Variants in TK1 observed in about 807,000 individuals in gnomAD.
TK1 encodes thymidine kinase 1.
In TK1, 13 loss-of-function variants were observed where a neutral mutation model predicts 22.4. That is an observed-to-expected ratio of 0.58 (90% CI 0.38 to 0.92). The LOEUF (loss-of-function observed/expected upper bound fraction) is 0.92, where lower values mean the gene tolerates loss of function less well. Among genes scored for constraint, TK1 ranks in the 40% least tolerant of loss-of-function variants. TK1 has a pLI of 0.00. For synonymous variants in TK1, 134 were observed against 125.4 expected (o/e 1.07, Z -0.46); for missense variants, 251 against 315.7 (o/e 0.80, Z 1.55).
chr17:78,177,775 C>T lies in TK1; in HGVS notation c.304-2157G>A, dbSNP rs568478755. 5.9e-5 allele frequency among the ~76,000 whole-genome samples: 9 copies of T among 151,910 alleles called. No homozygotes were observed. In the South Asian group the frequency reaches 1.2e-3, roughly 21 times the overall value. Reference sequence around the variant, plus strand: ...ATTTTCAGTAGAGACGGGGTTTCACCGTGTTAGCCAGGATGGTCTCGATCT... The same window carrying T: ...ATTTTCAGTAGAGACGGGGTTTCACTGTGTTAGCCAGGATGGTCTCGATCT... On this transcript the variant is annotated intron_variant, in intron 4 of 6. Transcript: ENST00000301634.
rs555455483 is a variant in TK1 at position 78,179,842 on chromosome 17, G to A, written c.303+2747C>T. 4.0e-6 allele frequency: 3 copies of A among 750,236 alleles called. No homozygotes were observed. The East Asian group carries it at 3.9e-4, about 98-fold the overall frequency. The allele number at this position is 750,236 out of a possible 1,614,324, so 46.5% of individuals were successfully genotyped here. ...CCCAGCACTTTGGGAGGCTGAGGCA[G>A]GCAGATCACCTGAGGTTAGGAGTTC... On this transcript the variant is annotated intron_variant, in intron 4 of 6. Coordinates refer to ENST00000301634, the MANE Select transcript of TK1 (RefSeq NM_003258.5).
rs550341229 is a variant in TK1, at chr17:78,175,235, C to T, written c.394-66G>A. On this transcript the variant is annotated intron_variant, in intron 5 of 6. Transcript: ENST00000301634. ...ACCAGGTGGGTTTTTCTTTTAAACCCTCTGATTCACAAGCACTGAAGCCAG... is the reference window on the plus strand; with the variant it reads ...ACCAGGTGGGTTTTTCTTTTAAACCTTCTGATTCACAAGCACTGAAGCCAG... 165 of 1,442,918 alleles carry T rather than the reference C, an allele frequency of 1.1e-4. 9 individuals carry two copies. The highest frequency in any genetic ancestry group is 7.6e-4 in the Admixed American group (26 of 34,370). The allele number at this position is 1,442,918 out of a possible 1,614,324, so 89.4% of individuals were successfully genotyped here. A position where few individuals can be genotyped will look rare whatever the true frequency, so the allele number is the denominator to read the frequency against.
chr17:78,174,667 C>A lies in TK1; in HGVS notation c.*92G>T. On this transcript the variant is annotated 3_prime_UTR_variant, in exon 7 of 7. Coordinates refer to ENST00000301634, the MANE Select transcript of TK1 (RefSeq NM_003258.5). ...AAGGTGTGGTCACCCTCCACGCCTC[C>A]CGACTTCCTCCTGGAGTGGCTGGGC... The A allele has an allele frequency of 7.0e-7, 1 of 1,427,778 alleles. No homozygotes were observed. Among genetic ancestry groups the A allele is most frequent in the Non-Finnish European group, 9.3e-7 (1 of 1,075,510 alleles). 88.4% of individuals were successfully genotyped at this position (1,427,778 alleles called of 1,614,324 possible).
rs2075741781 is a variant in TK1, at chr17:78,182,073, AT to A, written c.303+515del. Among the ~76,000 whole-genome samples, 4 of 151,980 alleles carry A rather than the reference AT, an allele frequency of 2.6e-5. No homozygotes were observed. In the South Asian group the frequency reaches 8.3e-4, roughly 32 times the overall value. On this transcript the variant is annotated intron_variant, in intron 4 of 6. Coordinates refer to ENST00000301634, the MANE Select transcript of TK1 (RefSeq NM_003258.5). ...ATCTTGCCAGTAAATAGATATATGT[AT>A]TTTTAAAAAGGTACAATGGCCAGGT...
At position 78,175,161 on chromosome 17, in the gene TK1, C is replaced by T. The variant is rs2075689213; in HGVS notation, c.402G>A (p.Gly134=). ...CCAGCGGCACCAGGTTCAGGATGGC[C>T]CCAAATGGCTGCGCTCCCATGGAAA... ...LDGTFQRKPF[G]AILNLVPLAE... is the part of the protein sequence containing the mutation. The change falls in exon 6 of 7, where the codon GGG becomes GGA. Residue 134 remains glycine, a synonymous_variant. Coordinates refer to ENST00000301634, the MANE Select transcript of TK1 (RefSeq NM_003258.5). 1 of 1,605,874 alleles carries T rather than the reference C, an allele frequency of 6.2e-7. No homozygotes were observed. Among genetic ancestry groups the T allele is most frequent in the Non-Finnish European group, 8.5e-7 (1 of 1,179,104 alleles).
chr17:78,181,903 C>T (rs117676900), intron 4 of TK1, among the ~76,000 whole-genome samples: 9,966 of 151,090 alleles, frequency 0.066, 450 homozygotes, highest in Non-Finnish European at 0.1. Context: ...CACAGGTGTG[C>T]GCTGCTATGA....
At chr17:78,180,982 G>A (rs1448142922) in intron 4 of TK1, among the ~76,000 whole-genome samples, 2 of 152,202 alleles carry the variant, frequency 1.3e-5, no homozygotes, top group Non-Finnish European at 2.9e-5. Context: ...AGGCGTGGTG[G>A]CTCACGCCTG....
intron 2 of TK1, 127 bp from the exon 3 acceptor site, chr17:78,185,292 A>C: frequency 1.5e-6 from 1 of 682,702 alleles, no homozygotes; most frequent in East Asian, 2.7e-5. Context: ...ACAGCCAGAA[A>C]AGAGCAGGGC....
intron 4 of TK1, among the ~76,000 whole-genome samples, chr17:78,181,666 A>G (rs1018019936): frequency 2.0e-5 from 3 of 152,174 alleles, no homozygotes; most frequent in Non-Finnish European, 4.4e-5. Context: ...CCTGGCTGCA[A>G]AAACTACTAA....
At chr17:78,181,065 T>C (rs2075734251) in intron 4 of TK1, among the ~76,000 whole-genome samples, 1 of 151,432 alleles carries the variant, frequency 6.6e-6, no homozygotes, top group African/African-American at 2.4e-5. Context: ...CTGGCCAACA[T>C]GGTGAAACCC....
chr17:78,175,236 T>A, intron 5 of TK1, 67 bp from the exon 6 acceptor site: 1 of 1,546,548 alleles, frequency 6.5e-7, no homozygotes, highest in Non-Finnish European at 8.7e-7. Context: ...TTTTAAACCC[T>A]CTGATTCACA....
chr17:78,181,925 C>T (rs12602793), intron 4 of TK1, among the ~76,000 whole-genome samples: 5,169 of 147,288 alleles, frequency 0.035, 251 homozygotes, highest in East Asian at 0.24. Flanking sequence ...TGGCTAATTT[C>T]TTTTTTTTTT....
In TK1 at chr17:78,174,581, A is replaced by C; in HGVS notation, c.*178T>G. On this transcript the variant is annotated 3_prime_UTR_variant, in exon 7 of 7. Transcript: ENST00000301634. Reference sequence around the variant, plus strand: ...GGAAGCTTTAAGCAGACCAGTGGGTAGGAGAGGAGGGAGCATGCGGCAGGT... The same window carrying C: ...GGAAGCTTTAAGCAGACCAGTGGGTCGGAGAGGAGGGAGCATGCGGCAGGT... 2 of 677,610 alleles carry C rather than the reference A, an allele frequency of 3.0e-6. No homozygotes were observed. The highest frequency in any genetic ancestry group is 4.9e-6 in the Non-Finnish European group (2 of 409,958). 42.0% of individuals were successfully genotyped at this position (677,610 alleles called of 1,614,324 possible). A position where few individuals can be genotyped will look rare whatever the true frequency, so the allele number is the denominator to read the frequency against.
At chr17:78,185,377 T>C (rs2075774942) in intron 2 of TK1, among the ~76,000 whole-genome samples, 1 of 152,074 alleles carries the variant, frequency 6.6e-6, no homozygotes, top group Non-Finnish European at 1.5e-5. Flanking sequence ...GGTCCAGGAA[T>C]GGTACTCAGG....
intron 2 of TK1, among the ~76,000 whole-genome samples, chr17:78,185,606 C>T (rs1049964210): frequency 2.0e-5 from 3 of 152,236 alleles, no homozygotes; most frequent in African/African-American, 4.8e-5. Context: ...CTCACTGCAA[C>T]CCCTGCCTTC....
At chr17:78,180,188 T>C (rs73377424) in intron 4 of TK1, among the ~76,000 whole-genome samples, 4,468 of 152,312 alleles carry the variant, frequency 0.029, 231 homozygotes, top group African/African-American at 0.1. Flanking sequence ...GTCAGGCCCA[T>C]GAAAACCTCA....
At position 78,182,646 on chromosome 17, in the gene TK1, T is replaced by C; in HGVS notation, c.246A>G (p.Arg82=). 6.3e-7 allele frequency: 1 copy of C among 1,595,810 alleles called. No individual in the cohort carries two copies. Among genetic ancestry groups the C allele is most frequent in the Non-Finnish European group, 8.5e-7 (1 of 1,172,874 alleles). The stretch of plus-strand genomic sequence containing the variant: ...CGCCCAGGGCCTCCTGGGCCACGTC[T>C]CGGAGCAGGCAGGCGGGCAGTGCCT... The part of the protein sequence containing the change: ...TMEALPACLL[R]DVAQEALGVA... The change falls in exon 4 of 7, where the codon CGA becomes CGG. Residue 82 remains arginine (R), a synonymous_variant. Coordinates refer to ENST00000301634, the MANE Select transcript of TK1 (RefSeq NM_003258.5).
chr17:78,180,650 GA>G (rs2075731826), intron 4 of TK1, among the ~76,000 whole-genome samples: 1 of 152,284 alleles, frequency 6.6e-6, no homozygotes, highest in African/African-American at 2.4e-5. Context: ...AAACAAAACG[GA>G]GCATGATGAA....
chr17:78,183,448 T>C (rs1464685884), intron 3 of TK1, among the ~76,000 whole-genome samples: 3 of 152,290 alleles, frequency 2.0e-5, no homozygotes, highest in Admixed American at 6.5e-5. Flanking sequence ...CCCGTAATCT[T>C]TGGGGAGGCC....
Sources: allele counts gnomAD v4.1 joint callset (sites outside exome capture counted in the v4.1 genomes callset), GRCh38; gene constraint gnomAD v4.1.1; transcripts MANE v1.5; gene names NCBI Gene and HGNC (gene_info 2026-07-23, HGNC 2026-07-21).